The following MNAT1 variants were observed in gnomAD, a reference collection of about 807,000 sequenced individuals.
MNAT1 encodes MNAT1 component of CDK activating kinase.
MNAT1 carries 43 observed loss-of-function variants against 42.0 expected under a neutral mutation model. The observed-to-expected ratio is 1.02, with a 90% CI of 0.80 to 1.32. The LOEUF (loss-of-function observed/expected upper bound fraction) is 1.32, where lower values mean the gene tolerates loss of function less well. Ranked by LOEUF, MNAT1 falls within the 40% of genes most tolerant of loss-of-function variation. MNAT1 has a pLI of 0.00. For missense variants in MNAT1, 306 were observed against 350.4 expected, an observed-to-expected ratio of 0.87 and a Z score of 1.01; for synonymous variants, 118 against 120.0, an observed-to-expected ratio of 0.98 and a Z score of 0.11.
chr14:60,759,736 T>C lies in MNAT1; in HGVS notation c.89+24785T>C, dbSNP rs115704400. ...TTGCAGGTATACTGTACTTAATCTTTGCTTTGTAAGTGTTAGTTAGGCCTA... is the reference window on the plus strand; with the variant it reads ...TTGCAGGTATACTGTACTTAATCTTCGCTTTGTAAGTGTTAGTTAGGCCTA... On this transcript the variant is annotated intron_variant, in intron 1 of 7. Transcript: ENST00000261245. 4.2e-3 allele frequency among the ~76,000 whole-genome samples: 634 copies of C among 152,330 alleles called. 5 individuals are homozygous for C. The highest frequency in any genetic ancestry group is 0.015 in the African/African-American group (609 of 41,588).
intron 7 of MNAT1, among the ~76,000 whole-genome samples, chr14:60,942,496 A>G (rs1244011812): frequency 6.9e-6 from 1 of 144,896 alleles, no homozygotes; most frequent in Non-Finnish European, 1.5e-5. Flanking sequence ...TAAAATAGTG[A>G]TATTCATATA....
At chr14:60,849,400 T>G (rs2033765201) in intron 6 of MNAT1, among the ~76,000 whole-genome samples, 1 of 152,224 alleles carries the variant, frequency 6.6e-6, no homozygotes, top group African/African-American at 2.4e-5. Context: ...TATTCAAAAT[T>G]TCTGAATCCT....
intron 6 of MNAT1, among the ~76,000 whole-genome samples, chr14:60,876,073 A>G (rs1176875611): frequency 2.0e-5 from 3 of 152,026 alleles, no homozygotes; most frequent in Non-Finnish European, 2.9e-5. Flanking sequence ...GACATTTTTT[A>G]TCAAATGGCA....
chr14:60,952,638 G>A (rs371688485), intron 7 of MNAT1, among the ~76,000 whole-genome samples: 12 of 152,264 alleles, frequency 7.9e-5, no homozygotes, highest in African/African-American at 2.6e-4. Flanking sequence ...CACAGACAGA[G>A]CGTTAGGTTT....
intron 6 of MNAT1, among the ~76,000 whole-genome samples, chr14:60,863,793 A>G (rs563370598): frequency 2.0e-5 from 3 of 152,088 alleles, no homozygotes; most frequent in Admixed American, 1.3e-4. Context: ...AGTTCGTCTC[A>G]TAAAACATGT....
intron 7 of MNAT1, among the ~76,000 whole-genome samples, chr14:60,935,390 T>C (rs2035975456): frequency 6.6e-6 from 1 of 151,282 alleles, no homozygotes; most frequent in South Asian, 2.1e-4. Context: ...AAATACTTTA[T>C]ATAAAGTGCA....
At chr14:60,798,432 G>A (rs2032090636) in intron 3 of MNAT1, among the ~76,000 whole-genome samples, 1 of 152,116 alleles carries the variant, frequency 6.6e-6, no homozygotes, top group African/African-American at 2.4e-5. Flanking sequence ...ATGGGTACAT[G>A]CATCTGTGTG....
chr14:60,779,660 C>T (rs1275001287), intron 1 of MNAT1, among the ~76,000 whole-genome samples: 1 of 152,024 alleles, frequency 6.6e-6, no homozygotes, highest in Non-Finnish European at 1.5e-5. Flanking sequence ...GTGGTGCACG[C>T]CTGTAATCCC....
intron 7 of MNAT1, among the ~76,000 whole-genome samples, chr14:60,882,431 G>A (rs1200625985): frequency 6.6e-6 from 1 of 152,058 alleles, no homozygotes; most frequent in Admixed American, 6.6e-5. Flanking sequence ...TTTTATGGCT[G>A]AATAATACTC....
At chr14:60,858,998 C>A (rs2034031684) in intron 6 of MNAT1, among the ~76,000 whole-genome samples, 1 of 152,036 alleles carries the variant, frequency 6.6e-6, no homozygotes, top group African/African-American at 2.4e-5. Flanking sequence ...CGAAGTATGC[C>A]CATATCTGCC....
intron 7 of MNAT1, among the ~76,000 whole-genome samples, chr14:60,963,898 A>G (rs2036638639): frequency 6.6e-6 from 1 of 152,156 alleles, no homozygotes. Context: ...ATTGTCACAA[A>G]CATATTATGA....
intron 7 of MNAT1, among the ~76,000 whole-genome samples, chr14:60,893,866 G>A (rs1248192612): frequency 6.6e-6 from 1 of 152,066 alleles, no homozygotes; most frequent in Non-Finnish European, 1.5e-5. Context: ...GTGGGAAGAA[G>A]GTTTTTCTTG....
At chr14:60,766,790 A>G (rs1020768655) in intron 1 of MNAT1, among the ~76,000 whole-genome samples, 1 of 152,172 alleles carries the variant, frequency 6.6e-6, no homozygotes, top group African/African-American at 2.4e-5. Flanking sequence ...GTATGACTAG[A>G]TTTCATTTTG....
intron 7 of MNAT1, 65 bp downstream of exon 7, chr14:60,879,900 G>C: frequency 6.5e-7 from 1 of 1,528,644 alleles, no homozygotes; most frequent in Non-Finnish European, 8.9e-7. Flanking sequence ...GTTCTTAACT[G>C]ACATGTTAAC....
In MNAT1 at chr14:60,850,457, A is replaced by G. The variant is rs143958964; in HGVS notation, c.688-29257A>G. On this transcript the variant is annotated intron_variant, in intron 6 of 7. Transcript: ENST00000261245. Reference sequence around the variant, plus strand: ...GGAATAATTGTAGCCTCCTGTTACTATGTTTCATGGCACAACCAAGAGACT... The same window carrying G: ...GGAATAATTGTAGCCTCCTGTTACTGTGTTTCATGGCACAACCAAGAGACT... Among the ~76,000 whole-genome samples, 280 of 152,338 alleles carry G rather than the reference A, an allele frequency of 1.8e-3. 1 individual carries two copies. Among genetic ancestry groups the G allele is most frequent in the African/African-American group, 6.4e-3 (266 of 41,584 alleles).
intron 1 of MNAT1, among the ~76,000 whole-genome samples, chr14:60,763,143 G>A (rs1236182427): frequency 1.3e-5 from 2 of 152,112 alleles, no homozygotes; most frequent in South Asian, 2.1e-4. Context: ...AAAGTCATGC[G>A]TAGGGAGTTA....
At chr14:60,812,188 A>T in intron 5 of MNAT1, 61 bp downstream of exon 5, 1 of 1,429,910 alleles carries the variant, frequency 7.0e-7, no homozygotes, top group Non-Finnish European at 9.2e-7. Context: ...CTTTCCTAGT[A>T]GGCTGGATGA....
rs2034304334 is a variant in MNAT1 at position 60,870,474 on chromosome 14, TTCAA to T, written c.688-9239_688-9236del. 3.3e-5 allele frequency among the ~76,000 whole-genome samples: 5 copies of T among 152,264 alleles called. 1 individual carries two copies. The South Asian group carries it at 1.0e-3, about 32-fold the overall frequency. On this transcript the variant is annotated intron_variant, in intron 6 of 7. Coordinates refer to ENST00000261245, the MANE Select transcript of MNAT1 (RefSeq NM_002431.4). ...AGGGCTTTAGTTTTGTGCCGTACTT[TTCAA>T]AGTCAGGAAAATGTACCTGAATTAC...
At chr14:60,876,324 A>G (rs2034435024) in intron 6 of MNAT1, among the ~76,000 whole-genome samples, 1 of 152,080 alleles carries the variant, frequency 6.6e-6, no homozygotes, top group South Asian at 2.1e-4. Flanking sequence ...GAAATTTCTG[A>G]CATTACACTT....
Sources: allele counts gnomAD v4.1 joint callset (sites outside exome capture counted in the v4.1 genomes callset), GRCh38; gene constraint gnomAD v4.1.1; transcripts MANE v1.5; gene names NCBI Gene and HGNC (gene_info 2026-07-23, HGNC 2026-07-21).